Variants in PRKG1 observed in about 807,000 individuals in gnomAD.
PRKG1 encodes cGMP-dependent protein kinase 1.
Under a neutral mutation model 88.1 loss-of-function variants are expected in PRKG1, and 35 were observed. That is an observed-to-expected ratio of 0.40 (90% CI 0.30 to 0.53). The LOEUF (loss-of-function observed/expected upper bound fraction) is 0.53. PRKG1 is among the 20% of genes least tolerant of loss of function. PRKG1 has a pLI of 0.59. For synonymous variants in PRKG1, 303 were observed against 292.5 expected (o/e 1.04, Z -0.37); for missense variants, 540 against 839.8 (o/e 0.64, Z 4.41).
At chr10:51,106,483 A>G (rs1844834014) in intron 1 of PRKG1, among the ~76,000 whole-genome samples, 1 of 152,216 alleles carries the variant, frequency 6.6e-6, no homozygotes, top group Non-Finnish European at 1.5e-5. Context: ...GCTTGGAATT[A>G]CAACTTAAGT....
chr10:51,720,441 G>A (rs10999075), intron 3 of PRKG1, among the ~76,000 whole-genome samples: 67,236 of 151,952 alleles, frequency 0.44, 15,485 homozygotes, highest in Middle Eastern at 0.57. Context: ...AACTTTTCTG[G>A]GCTTTTACAG....
At chr10:52,184,475 A>T (rs1382240080) in intron 9 of PRKG1, among the ~76,000 whole-genome samples, 1 of 152,194 alleles carries the variant, frequency 6.6e-6, no homozygotes, top group African/African-American at 2.4e-5. Context: ...TTTCTAAATT[A>T]ATCTATTCAT....
At chr10:52,111,534 A>G (rs1847564412) in intron 7 of PRKG1, among the ~76,000 whole-genome samples, 1 of 152,214 alleles carries the variant, frequency 6.6e-6, no homozygotes. Context: ...TGACATTAAC[A>G]GATAATTTAA....
intron 7 of PRKG1, among the ~76,000 whole-genome samples, chr10:52,119,394 A>G (rs948773861): frequency 2.0e-5 from 3 of 152,126 alleles, no homozygotes; most frequent in African/African-American, 7.2e-5. Flanking sequence ...AAAAGGAGAC[A>G]CTCTCTCCTG....
intron 5 of PRKG1, among the ~76,000 whole-genome samples, chr10:51,925,155 T>A (rs1346638761): frequency 6.6e-6 from 1 of 151,862 alleles, no homozygotes; most frequent in Non-Finnish European, 1.5e-5. Flanking sequence ...GGGTATGATG[T>A]TTTGAGTAAA....
chr10:52,064,776 C>T (rs919519168), intron 7 of PRKG1, among the ~76,000 whole-genome samples: 1 of 152,172 alleles, frequency 6.6e-6, no homozygotes, highest in African/African-American at 2.4e-5. Flanking sequence ...GTCCCCGGCT[C>T]CTGCTGGCTC....
At chr10:51,916,249 G>T (rs1001145866) in intron 5 of PRKG1, among the ~76,000 whole-genome samples, 1 of 152,086 alleles carries the variant, frequency 6.6e-6, no homozygotes, top group East Asian at 1.9e-4. Context: ...AATAAAACAG[G>T]TTTCAGTAAA....
At chr10:52,029,356 A>G in intron 5 of PRKG1, among the ~76,000 whole-genome samples, 1 of 152,110 alleles carries the variant, frequency 6.6e-6, no homozygotes, top group Admixed American at 6.6e-5. Context: ...CTCACAGTAA[A>G]CATGAAAGTG....
intron 3 of PRKG1, among the ~76,000 whole-genome samples, chr10:51,724,797 A>G (rs1415930445): frequency 6.6e-6 from 1 of 151,194 alleles, no homozygotes; most frequent in Admixed American, 6.6e-5. Flanking sequence ...TGGGCTCTCA[A>G]TCCGTCCTCC....
chr10:52,120,205 C>T (rs1475768140), intron 7 of PRKG1, among the ~76,000 whole-genome samples: 1 of 152,154 alleles, frequency 6.6e-6, no homozygotes, highest in Non-Finnish European at 1.5e-5. Flanking sequence ...GACCAAATCA[C>T]CTCTTAAAGA....
chr10:52,075,626 G>C (rs911421356), intron 7 of PRKG1, among the ~76,000 whole-genome samples: 3 of 152,188 alleles, frequency 2.0e-5, no homozygotes, highest in Non-Finnish European at 4.4e-5. Context: ...AGCTTAGTTA[G>C]CTTTGCCGTT....
intron 9 of PRKG1, among the ~76,000 whole-genome samples, chr10:52,165,482 T>G (rs1223801082): frequency 1.3e-5 from 2 of 152,184 alleles, no homozygotes; most frequent in Non-Finnish European, 2.9e-5. Context: ...GTTTAAAATC[T>G]GGGATATTTC....
At chr10:51,227,783 C>G (rs1365966135) in intron 2 of PRKG1, among the ~76,000 whole-genome samples, 3 of 152,190 alleles carry the variant, frequency 2.0e-5, no homozygotes, top group Admixed American at 1.3e-4. Context: ...TAAAGCATCC[C>G]TGTGACTGGG....
At chr10:51,038,584 T>C (rs978474644) in intron 1 of PRKG1, among the ~76,000 whole-genome samples, 2 of 152,222 alleles carry the variant, frequency 1.3e-5, no homozygotes, top group Non-Finnish European at 2.9e-5. Flanking sequence ...CATGTGAAGT[T>C]TATCTTTTTG....
intron 7 of PRKG1, among the ~76,000 whole-genome samples, chr10:52,124,243 A>T (rs1407353754): frequency 6.6e-6 from 1 of 152,198 alleles, no homozygotes; most frequent in African/African-American, 2.4e-5. Context: ...TCATTATGCT[A>T]GCATCGTAGA....
intron 3 of PRKG1, among the ~76,000 whole-genome samples, chr10:51,549,453 A>G (rs990789616): frequency 3.9e-5 from 6 of 151,980 alleles, no homozygotes; most frequent in African/African-American, 1.4e-4. Context: ...TGTGTCTACA[A>G]TGGCATCTCT....
chr10:50,997,598 A>T (rs959097073), intron 1 of PRKG1, among the ~76,000 whole-genome samples: 1 of 152,084 alleles, frequency 6.6e-6, no homozygotes, highest in Non-Finnish European at 1.5e-5. Context: ...ATGAATAATT[A>T]TTTTCATTTG....
chr10:51,661,674 T>C (rs1840303181), intron 3 of PRKG1, among the ~76,000 whole-genome samples: 1 of 152,200 alleles, frequency 6.6e-6, no homozygotes, highest in South Asian at 2.1e-4. Context: ...AGTGTGGCAA[T>C]TCCTCAAGGA....
chr10:51,948,241 A>C (rs181939793), intron 5 of PRKG1, among the ~76,000 whole-genome samples: 93 of 152,256 alleles, frequency 6.1e-4, no homozygotes, highest in African/African-American at 2.0e-3. Flanking sequence ...ACATAGAACA[A>C]TTTCTTCTTA....
Sources: gnomAD v4.1 joint callset for allele counts (sites outside exome capture counted in the v4.1 genomes callset) on GRCh38, gnomAD v4.1.1 for gene constraint, MANE v1.5 for transcripts, NCBI Gene and HGNC (gene_info 2026-07-23, HGNC 2026-07-21) for gene names.